Variants in PRELID2 observed in about 807,000 individuals in gnomAD.
The protein encoded by PRELID2 is PRELI domain containing 2, also known as PRELI domain-containing protein 2.
A neutral mutation model predicts 28.4 loss-of-function variants in PRELID2; 25 were observed. The ratio of observed to expected loss-of-function variants is 0.88; its 90% CI spans 0.64 to 1.23. The LOEUF is 1.23. Ranked by LOEUF, PRELID2 falls within the 50% of genes most tolerant of loss-of-function variation. The pLI is 0.00. For missense variants in PRELID2, 201 were observed against 214.4 expected, an observed-to-expected ratio of 0.94 and a Z score of 0.39; for synonymous variants, 76 against 71.6, an observed-to-expected ratio of 1.06 and a Z score of -0.31.
the PRELID2 span, among the ~76,000 whole-genome samples, chr5:145,392,901 T>A: frequency 6.6e-6 from 1 of 152,178 alleles, no homozygotes; most frequent in Non-Finnish European, 1.5e-5. Context: ...TCCAGTGACA[T>A]AGTCTGACTC....
intron 1 of PRELID2, among the ~76,000 whole-genome samples, chr5:145,600,999 T>A (rs991139109): frequency 9.9e-5 from 15 of 151,776 alleles, no homozygotes; most frequent in African/African-American, 3.4e-4. Flanking sequence ...CAATAAAATT[T>A]AAAAAAATAA....
At chr5:145,688,282 C>G (rs1405371426) in intron 1 of PRELID2, among the ~76,000 whole-genome samples, 1 of 152,190 alleles carries the variant, frequency 6.6e-6, no homozygotes, top group Non-Finnish European at 1.5e-5. Flanking sequence ...ATTTTCACAA[C>G]ATTAACTTGT....
chr5:145,428,788 GA>G, the PRELID2 span, among the ~76,000 whole-genome samples: 1 of 152,302 alleles, frequency 6.6e-6, no homozygotes, highest in East Asian at 1.9e-4. Context: ...CACTGGGGTA[GA>G]AATTTGAAAG....
chr5:145,696,673 A>T (rs1029873937), intron 1 of PRELID2, among the ~76,000 whole-genome samples: 1 of 151,860 alleles, frequency 6.6e-6, no homozygotes, highest in African/African-American at 2.4e-5. Context: ...CATGTCGCCC[A>T]GGCTGGTTTG....
the PRELID2 span, among the ~76,000 whole-genome samples, chr5:145,295,761 G>T: frequency 6.6e-5 from 10 of 152,188 alleles, no homozygotes; most frequent in East Asian, 1.9e-3. Context: ...CAGCTATGAA[G>T]GCAGAGACCT....
intron 1 of PRELID2, among the ~76,000 whole-genome samples, chr5:145,827,728 C>A (rs1441173573): frequency 6.6e-6 from 1 of 152,186 alleles, no homozygotes; most frequent in Non-Finnish European, 1.5e-5. Context: ...TAAAGATACA[C>A]TACAAATAAC....
At chr5:145,379,050 T>C in the PRELID2 span, among the ~76,000 whole-genome samples, 1 of 152,288 alleles carries the variant, frequency 6.6e-6, no homozygotes, top group African/African-American at 2.4e-5. Flanking sequence ...ATAAGGTTGA[T>C]TCAGCCAGCT....
intron 5 of PRELID2, among the ~76,000 whole-genome samples, chr5:145,777,279 T>C (rs940743191): frequency 5.3e-5 from 8 of 152,192 alleles, no homozygotes; most frequent in Non-Finnish European, 1.0e-4. Flanking sequence ...TGTAGCTCAC[T>C]GAGGCCTTGA....
intron 5 of PRELID2, among the ~76,000 whole-genome samples, chr5:145,766,471 C>T (rs1443952447): frequency 1.3e-5 from 2 of 152,092 alleles, no homozygotes; most frequent in Non-Finnish European, 1.5e-5. Context: ...TCAAAGGCAT[C>T]GCTAGAGAAG....
intron 1 of PRELID2, among the ~76,000 whole-genome samples, chr5:145,685,140 G>A (rs1581056511): frequency 6.6e-6 from 1 of 152,162 alleles, no homozygotes. Flanking sequence ...TCTGTTTTCA[G>A]CTTTGCCCCT....
At chr5:145,275,154 T>C in the PRELID2 span, among the ~76,000 whole-genome samples, 1 of 152,056 alleles carries the variant, frequency 6.6e-6, no homozygotes, top group East Asian at 1.9e-4. Flanking sequence ...AACATATGAA[T>C]TTTGGAGGAC....
chr5:145,752,870 T>C (rs1015431467), downstream of PRELID2, among the ~76,000 whole-genome samples: 2 of 152,214 alleles, frequency 1.3e-5, no homozygotes, highest in South Asian at 4.1e-4. Flanking sequence ...TCTGCAAGAC[T>C]AATGACTACA....
At chr5:145,453,511 C>T in the PRELID2 span, among the ~76,000 whole-genome samples, 2,532 of 152,110 alleles carry the variant, frequency 0.017, 55 homozygotes, top group African/African-American at 0.053. Flanking sequence ...ATGTGCAGAA[C>T]GTGCAGGTTT....
chr5:145,444,002 C>T, the PRELID2 span, among the ~76,000 whole-genome samples: 2 of 151,956 alleles, frequency 1.3e-5, no homozygotes, highest in African/African-American at 4.8e-5. Flanking sequence ...TAAAATAATC[C>T]ATGTCATTAA....
chr5:145,463,848 A>G, the PRELID2 span, among the ~76,000 whole-genome samples: 1 of 152,210 alleles, frequency 6.6e-6, no homozygotes, highest in Non-Finnish European at 1.5e-5. Context: ...ATGGAAGTCC[A>G]GTGATGACGT....
At chr5:145,270,944 G>A in the PRELID2 span, among the ~76,000 whole-genome samples, 35 of 152,190 alleles carry the variant, frequency 2.3e-4, no homozygotes, top group East Asian at 6.6e-3. Flanking sequence ...GCTGGGGGAG[G>A]CCTCAGGAAA....
At chr5:145,690,757 G>T (rs1368435) in intron 1 of PRELID2, among the ~76,000 whole-genome samples, 28,098 of 151,980 alleles carry the variant, frequency 0.18, 4,422 homozygotes, top group African/African-American at 0.42. Context: ...AAAAGATATA[G>T]CCCCTGTTTC....
intron 1 of PRELID2, among the ~76,000 whole-genome samples, chr5:145,499,866 GC>G (rs1752344673): frequency 6.6e-6 from 1 of 152,176 alleles, no homozygotes; most frequent in African/African-American, 2.4e-5. Context: ...ATAAACAAAG[GC>G]TTTGTGCTGT....
At chr5:145,562,382 G>T (rs182350380) in intron 1 of PRELID2, among the ~76,000 whole-genome samples, 1 of 152,066 alleles carries the variant, frequency 6.6e-6, no homozygotes, top group Non-Finnish European at 1.5e-5. Context: ...AATTTATGGC[G>T]TAAACATCAA....
Sources: gnomAD v4.1 joint callset for allele counts (sites outside exome capture counted in the v4.1 genomes callset) on GRCh38, gnomAD v4.1.1 for gene constraint, MANE v1.5 for transcripts, NCBI Gene and HGNC (gene_info 2026-07-23, HGNC 2026-07-21) for gene names.